Variants in GPC5 observed in about 807,000 individuals in gnomAD.
GPC5 encodes glypican-5.
Under a neutral mutation model 53.9 loss-of-function variants are expected in GPC5, and 47 were observed. The ratio of observed to expected loss-of-function variants is 0.87; its 90% CI spans 0.69 to 1.11. The LOEUF (loss-of-function observed/expected upper bound fraction) is 1.11. Ranked by LOEUF, GPC5 falls within the 50% of genes most tolerant of loss-of-function variation. The pLI is 0.00. For missense variants in GPC5, 748 were observed against 713.1 expected (o/e 1.05, Z -0.56); for synonymous variants, 286 against 263.3 (o/e 1.09, Z -0.84).
In GPC5 at chr13:92,758,994, G is replaced by GTTTTTTTTTTTTTTTTT. The variant is rs68182839; in HGVS notation, c.1562-107279_1562-107263dup. Among the ~76,000 whole-genome samples, 4 of 70,574 alleles carry GTTTTTTTTTTTTTTTTT rather than the reference G, an allele frequency of 5.7e-5. 1 individual carries two copies. Among genetic ancestry groups the GTTTTTTTTTTTTTTTTT allele is most frequent in the Non-Finnish European group, 7.0e-5 (3 of 42,832 alleles). The allele number at this position is 70,574 out of a possible 152,430, so 46.3% of individuals were successfully genotyped here. ...CAGAGAATATCCTTTTCCCATTGCGGTTTTTTTTTTTTTTTTTTTTTTTTT... is the reference window on the plus strand; with the variant it reads ...CAGAGAATATCCTTTTCCCATTGCGGTTTTTTTTTTTTTTTTTTTTTTTTTTTTTTTTTTTTTTTTTT... On this transcript the variant is annotated intron_variant, in intron 7 of 7. Transcript: ENST00000377067.
intron 7 of GPC5, among the ~76,000 whole-genome samples, chr13:92,817,717 C>A (rs1409833208): frequency 2.0e-5 from 3 of 151,910 alleles, no homozygotes; most frequent in Non-Finnish European, 4.4e-5. Context: ...TAAAAGTATA[C>A]CGTTTCACTG....
chr13:92,694,780 G>A (rs1399189911), intron 7 of GPC5, among the ~76,000 whole-genome samples: 3 of 152,154 alleles, frequency 2.0e-5, no homozygotes, highest in Non-Finnish European at 2.9e-5. Context: ...AGACATGATT[G>A]TGTTTTGAAA....
chr13:92,859,385 CTT>C (rs1445290982), intron 7 of GPC5, among the ~76,000 whole-genome samples: 1 of 151,946 alleles, frequency 6.6e-6, no homozygotes, highest in Non-Finnish European at 1.5e-5. Flanking sequence ...AAAAATTTCT[CTT>C]TGTCTTTGGT....
At chr13:92,804,041 C>T (rs1009048038) in intron 7 of GPC5, among the ~76,000 whole-genome samples, 3 of 151,930 alleles carry the variant, frequency 2.0e-5, no homozygotes, top group Non-Finnish European at 4.4e-5. Flanking sequence ...GAGAAGTAAA[C>T]TATTGGTGGG....
chr13:91,916,850 C>A (rs745511336), intron 6 of GPC5, among the ~76,000 whole-genome samples: 2 of 152,102 alleles, frequency 1.3e-5, no homozygotes, highest in African/African-American at 2.4e-5. Context: ...TCAGAAACCA[C>A]CCCCTTGATT....
intron 7 of GPC5, among the ~76,000 whole-genome samples, chr13:92,784,677 A>G (rs1448642889): frequency 6.6e-6 from 1 of 152,182 alleles, no homozygotes; most frequent in East Asian, 1.9e-4. Flanking sequence ...ATATGGAAGA[A>G]AGTTGGAGAT....
chr13:91,520,804 AAAC>A (rs1885770823), intron 2 of GPC5, among the ~76,000 whole-genome samples: 1 of 151,962 alleles, frequency 6.6e-6, no homozygotes, highest in African/African-American at 2.4e-5. Context: ...ACTTATTTTT[AAAC>A]AACAATAAGA....
At chr13:91,526,979 A>G (rs922062308) in intron 2 of GPC5, among the ~76,000 whole-genome samples, 6 of 152,202 alleles carry the variant, frequency 3.9e-5, no homozygotes, top group African/African-American at 1.4e-4. Flanking sequence ...ACCTCCCACC[A>G]GACACCACCC....
At chr13:92,354,825 C>A (rs748992150) in intron 7 of GPC5, among the ~76,000 whole-genome samples, 2 of 151,978 alleles carry the variant, frequency 1.3e-5, no homozygotes, top group East Asian at 3.9e-4. Context: ...TGAAAATAGT[C>A]TTAGAGTGCC....
chr13:91,407,426 G>T (rs1255102271), intron 1 of GPC5, among the ~76,000 whole-genome samples: 1 of 152,158 alleles, frequency 6.6e-6, no homozygotes, highest in East Asian at 1.9e-4. Flanking sequence ...GGATTAATTT[G>T]CACAGCTGTT....
chr13:92,218,281 A>G (rs999869602), intron 7 of GPC5, among the ~76,000 whole-genome samples: 1 of 152,108 alleles, frequency 6.6e-6, no homozygotes, highest in Non-Finnish European at 1.5e-5. Context: ...TTGTAAAGAA[A>G]TGGATTCATC....
rs550317190 is a variant in GPC5 at position 92,299,456 on chromosome 13, T to G, written c.1561+154467T>G. On this transcript the variant is annotated intron_variant, in intron 7 of 7. Transcript: ENST00000377067. ...CTATGAATAATGACTGTAATTAACA[T>G]TCAGATTTATAAATGCCACTTTCCA... Among the ~76,000 whole-genome samples the G allele has an allele frequency of 4.8e-4, 73 of 152,274 alleles. No individual in the cohort carries two copies. In the South Asian group the frequency reaches 9.1e-3, roughly 19 times the overall value.
intron 5 of GPC5, among the ~76,000 whole-genome samples, chr13:91,852,328 C>T (rs949868372): frequency 3.3e-5 from 5 of 152,144 alleles, no homozygotes; most frequent in Non-Finnish European, 5.9e-5. Flanking sequence ...TCAATATCAC[C>T]GTCTTTCACT....
intron 7 of GPC5, among the ~76,000 whole-genome samples, chr13:92,434,615 T>C (rs1035302812): frequency 1.3e-5 from 2 of 152,170 alleles, no homozygotes; most frequent in African/African-American, 4.8e-5. Flanking sequence ...CTCATTGTGG[T>C]TTAAATCTGA....
intron 2 of GPC5, among the ~76,000 whole-genome samples, chr13:91,683,326 T>C (rs1163836722): frequency 6.6e-6 from 1 of 152,202 alleles, no homozygotes; most frequent in African/African-American, 2.4e-5. Context: ...CACCTTGATT[T>C]CAGCCTAGTG....
At chr13:92,581,419 G>T (rs1456399470) in intron 7 of GPC5, among the ~76,000 whole-genome samples, 1 of 152,042 alleles carries the variant, frequency 6.6e-6, no homozygotes, top group African/African-American at 2.4e-5. Context: ...TTTAAAGCTG[G>T]AAGGTATTCC....
At chr13:91,963,797 A>G (rs2040150162) in intron 6 of GPC5, among the ~76,000 whole-genome samples, 1 of 152,184 alleles carries the variant, frequency 6.6e-6, no homozygotes, top group African/African-American at 2.4e-5. Context: ...GGGTATTTTG[A>G]GCTCATACCA....
At chr13:92,264,407 C>T (rs1331609691) in intron 7 of GPC5, among the ~76,000 whole-genome samples, 2 of 152,042 alleles carry the variant, frequency 1.3e-5, no homozygotes, top group African/African-American at 4.8e-5. Context: ...CCATATTTTG[C>T]TTTAAGGTGT....
chr13:92,601,604 A>G (rs1400783481), intron 7 of GPC5, among the ~76,000 whole-genome samples: 1 of 148,670 alleles, frequency 6.7e-6, no homozygotes, highest in Non-Finnish European at 1.5e-5. Context: ...CTCATTTTTT[A>G]TGTCTTCCAT....
Sources: allele counts gnomAD v4.1 joint callset (sites outside exome capture counted in the v4.1 genomes callset), GRCh38; gene constraint gnomAD v4.1.1; transcripts MANE v1.5; gene names NCBI Gene and HGNC (gene_info 2026-07-23, HGNC 2026-07-21).